The following ODF2 variants were observed in gnomAD, a reference collection of about 807,000 sequenced individuals.
ODF2 encodes outer dense fiber of sperm tails 2.
A neutral mutation model predicts 110.2 loss-of-function variants in ODF2; 47 were observed. That is an observed-to-expected ratio of 0.43 (90% CI 0.34 to 0.54). ODF2 has a LOEUF of 0.54. Ranked by LOEUF, ODF2 falls within the 20% of genes least tolerant of loss-of-function variation. ODF2 has a pLI of 0.03. For missense variants in ODF2, 812 were observed against 1,054.5 expected (o/e 0.77, Z 3.19); for synonymous variants, 352 against 397.7 (o/e 0.89, Z 1.37).
rs1843141728 is a variant in ODF2, at chr9:128,485,259, T to A, written c.1291-106T>A. 1.5e-6 allele frequency: 1 copy of A among 660,400 alleles called. No homozygotes were observed. 40.9% of individuals were successfully genotyped at this position (660,400 alleles called of 1,614,324 possible). A position where few individuals can be genotyped will look rare whatever the true frequency, so the allele number is the denominator to read the frequency against. On this transcript the variant is annotated intron_variant, in intron 12 of 20. Transcript: ENST00000604420. The surrounding 1 kb of genome is among the most constrained non-coding windows in gnomAD (Gnocchi z 5.0). Reference sequence around the variant, plus strand: ...TAGAAAGGTGAATTCCAGAATGAGGTTTAGGTTACCAGGGTGAGAAACCAC... The same window carrying A: ...TAGAAAGGTGAATTCCAGAATGAGGATTAGGTTACCAGGGTGAGAAACCAC...
intron 14 of ODF2, among the ~76,000 whole-genome samples, 198 bp downstream of exon 14, chr9:128,488,223 G>A (rs191450374): frequency 6.3e-4 from 96 of 152,258 alleles, no homozygotes; most frequent in Admixed American, 1.3e-3. Flanking sequence ...AGCCTAGTTC[G>A]AGACCAGCCT....
chr9:128,489,600 G>A (rs1011197772), intron 14 of ODF2, among the ~76,000 whole-genome samples: 2 of 152,178 alleles, frequency 1.3e-5, no homozygotes, highest in Non-Finnish European at 2.9e-5. Flanking sequence ...AGGGTATGTC[G>A]TTATATGAAC....
At chr9:128,497,459 AT>A (rs1845835417) in intron 18 of ODF2, 1 of 90,440 alleles carries the variant, frequency 1.1e-5, no homozygotes, top group Non-Finnish European at 2.0e-5. Context: ...ATATATATAT[AT>A]ATATATATAT....
At chr9:128,481,740 C>A in intron 9 of ODF2, 89 bp downstream of exon 9, 1 of 1,044,946 alleles carries the variant, frequency 9.6e-7, no homozygotes, top group Non-Finnish European at 1.4e-6. Context: ...TGGATCAAGG[C>A]AGGAGGGCTG....
intron 14 of ODF2, among the ~76,000 whole-genome samples, chr9:128,490,830 T>C (rs1409559039): frequency 2.0e-5 from 3 of 152,208 alleles, no homozygotes; most frequent in African/African-American, 4.8e-5. Flanking sequence ...TTATCTCTCT[T>C]TTAAGTGACT....
At chr9:128,460,998 G>A in exon 4 of ODF2, 1 of 1,614,152 alleles carries the variant, frequency 6.2e-7, no homozygotes, top group East Asian at 2.2e-5. Context: ...GGAGTGTCCG[G>A]GTGAAAACCA....
intron 13 of ODF2, among the ~76,000 whole-genome samples, chr9:128,486,623 C>T (rs183866440): frequency 8.5e-4 from 129 of 152,346 alleles, no homozygotes; most frequent in Middle Eastern, 3.4e-3. Context: ...GCCACAGTCT[C>T]TGCTCTTTGA....
chr9:128,457,998 C>T (rs981830432), intron 2 of ODF2, among the ~76,000 whole-genome samples: 3 of 150,634 alleles, frequency 2.0e-5, no homozygotes, highest in Non-Finnish European at 2.9e-5. Context: ...TACAGCAAAA[C>T]GCATACCAAA....
chr9:128,495,710 C>T (rs1285895383), intron 17 of ODF2, among the ~76,000 whole-genome samples: 1 of 152,212 alleles, frequency 6.6e-6, no homozygotes, highest in African/African-American at 2.4e-5. Context: ...TTTGTATGGG[C>T]CAGTTAGCCC....
Position 128,494,688 on chromosome 9 carries a change from G to A in ODF2, c.1911+20G>A, listed in dbSNP as rs762489494. ...AGCCGGGTAAGGGACTGGCAGAAAG[G>A]GTCCCACGAACTGACCCGAGCAGGG... On this transcript the variant is annotated intron_variant, in intron 17 of 20. Coordinates refer to ENST00000604420, the Ensembl canonical transcript of ODF2. The surrounding 1 kb of genome is among the most constrained non-coding windows in gnomAD (Gnocchi z 4.6). 6.2e-7 allele frequency: 1 copy of A among 1,614,186 alleles called. No homozygotes were observed. Among genetic ancestry groups the A allele is most frequent in the South Asian group, 1.1e-5 (1 of 91,084 alleles).
chr9:128,497,449 ATAT>A (rs1564533071), intron 18 of ODF2: 25 of 52,110 alleles, frequency 4.8e-4, no homozygotes, highest in East Asian at 7.2e-4. Flanking sequence ...AAAAAAAAAT[ATAT>A]ATATATATAT....
At chr9:128,488,066 C>G in intron 14 of ODF2, 41 bp downstream of exon 14, 1 of 1,610,856 alleles carries the variant, frequency 6.2e-7, no homozygotes. Context: ...TGGATGGGGC[C>G]CAGCGAGCTG....
chr9:128,476,288 T>C (rs771130044), intron 8 of ODF2, among the ~76,000 whole-genome samples: 7 of 152,146 alleles, frequency 4.6e-5, no homozygotes, highest in Non-Finnish European at 1.0e-4. Context: ...GACGTTCTTC[T>C]TATTTTTGCT....
chr9:128,497,446 AATATATATATATATATAT>A lies in ODF2; in HGVS notation c.2013-944_2013-927del, dbSNP rs71381765. ...ACTAAAAAAAAAAAAAAAAAAAAAA[AATATATATATATATATAT>A]ATATATATATATATATATATATGTA... On this transcript the variant is annotated intron_variant, in intron 18 of 20. Coordinates refer to ENST00000604420, the Ensembl canonical transcript of ODF2. 6 of 42,594 alleles carry A rather than the reference AATATATATATATATATAT, an allele frequency of 1.4e-4. 1 individual carries two copies. The highest frequency in any genetic ancestry group is 7.5e-4 in the African/African-American group (5 of 6,698). 2.6% of individuals were successfully genotyped at this position (42,594 alleles called of 1,614,324 possible).
chr9:128,487,800 ACAAAAC>A (rs1430212372), intron 13 of ODF2, 84 bp from the exon 14 acceptor site: 438 of 1,207,364 alleles, frequency 3.6e-4, no homozygotes, highest in Middle Eastern at 1.2e-3. Context: ...AAACAAACAA[ACAAAAC>A]ACACACACAC....
At chr9:128,489,556 T>C (rs774408627) in intron 14 of ODF2, among the ~76,000 whole-genome samples, 22 of 152,184 alleles carry the variant, frequency 1.4e-4, no homozygotes, top group Non-Finnish European at 2.8e-4. Context: ...GTCAGCCCCA[T>C]TGTTTGGAGG....
rs1053791634 is a variant in ODF2 at position 128,473,637 on chromosome 9, A to C, written c.739A>C (p.Asn247His). The change falls in exon 8 of 21, where the codon AAC becomes CAC. Residue 247 changes from asparagine (N) to histidine (H), a missense_variant. Coordinates refer to ENST00000604420, the Ensembl canonical transcript of ODF2. ...GAAACAAATGACCTGCACGGACATCAACACCCTGACAAGGCAGAAGGAACT... is the reference window on the plus strand; with the variant it reads ...GAAACAAATGACCTGCACGGACATCCACACCCTGACAAGGCAGAAGGAACT... 6 of 1,613,402 alleles carry C rather than the reference A, an allele frequency of 3.7e-6. No individual in the cohort carries two copies. The highest frequency in any genetic ancestry group is 1.7e-4 in the Middle Eastern group (1 of 6,058).
At chr9:128,461,519 A>C (rs1836446019) in intron 4 of ODF2, 1 of 154,902 alleles carries the variant, frequency 6.5e-6, no homozygotes, top group South Asian at 2.0e-4. Flanking sequence ...CCCAGGTTCA[A>C]GTGATTCTCC....
intron 8 of ODF2, among the ~76,000 whole-genome samples, chr9:128,473,968 A>G (rs1840662809): frequency 6.6e-6 from 1 of 152,122 alleles, no homozygotes; most frequent in African/African-American, 2.4e-5. Flanking sequence ...GAAAGTCAGG[A>G]GAGGGGCAGT....
Sources: allele counts gnomAD v4.1 joint callset (sites outside exome capture counted in the v4.1 genomes callset), GRCh38; gene constraint gnomAD v4.1.1; non-coding constraint Gnocchi (gnomAD v3.1); transcripts MANE v1.5; gene names NCBI Gene and HGNC (gene_info 2026-07-23, HGNC 2026-07-21).